Variants in HECTD4 observed in about 807,000 individuals in gnomAD.
The protein encoded by HECTD4 is HECT domain E3 ubiquitin protein ligase 4.
In HECTD4, 114 loss-of-function variants were observed where a neutral mutation model predicts 471.5. The observed-to-expected ratio is 0.24, with a 90% CI of 0.21 to 0.28. The LOEUF (loss-of-function observed/expected upper bound fraction) is 0.28. HECTD4 is among the 10% of genes least tolerant of loss of function. The pLI is 1.00. For synonymous variants in HECTD4, 2,012 were observed against 2,256.0 expected (o/e 0.89, Z 3.07); for missense variants, 3,866 against 5,651.5 (o/e 0.68, Z 10.13).
chr12:112,208,669 G>A, intron 50 of HECTD4, 39 bp from the exon 51 acceptor site: 1 of 1,500,142 alleles, frequency 6.7e-7, no homozygotes. Flanking sequence ...CTAAACAAGA[G>A]CAGGCTAGAA....
chr12:112,292,048 G>C (rs80148575), intron 7 of HECTD4, among the ~76,000 whole-genome samples: 1 of 152,090 alleles, frequency 6.6e-6, no homozygotes, highest in African/African-American at 2.4e-5. Flanking sequence ...TCACTTTCCT[G>C]CTCAACAATT....
intron 19 of HECTD4, 83 bp from the exon 20 acceptor site, chr12:112,258,679 C>T: frequency 9.4e-7 from 1 of 1,059,214 alleles, no homozygotes; most frequent in Non-Finnish European, 1.4e-6. Context: ...AGAGGTCTCT[C>T]TTAAATCATC....
In HECTD4 at chr12:112,166,039, CCTCTGGGG is replaced by C. The variant is rs1169967789; in HGVS notation, c.12534+1270_12534+1277del. Reference sequence around the variant, plus strand: ...CACCATGTGGTTCTGCATCCCATACCCTCTGGGGCCTTGGCCATCCCTGTAGCCAGAAG... The same window carrying C: ...CACCATGTGGTTCTGCATCCCATACCCCTTGGCCATCCCTGTAGCCAGAAG... On this transcript the variant is annotated intron_variant, in intron 72 of 75. Transcript: ENST00000682272. This position sits in a 1 kb window ranked among gnomAD's most constrained non-coding sequence, Gnocchi z 4.6. 1 of 152,416 alleles carries C rather than the reference CCTCTGGGG, an allele frequency of 6.6e-6. No individual in the cohort carries two copies. Among genetic ancestry groups the C allele is most frequent in the Non-Finnish European group, 1.5e-5 (1 of 68,186 alleles). The allele number at this position is 152,416 out of a possible 1,614,324, so 9.4% of individuals were successfully genotyped here.
At chr12:112,331,657 T>G (rs1045711325) in intron 1 of HECTD4, among the ~76,000 whole-genome samples, 1 of 152,320 alleles carries the variant, frequency 6.6e-6, no homozygotes, top group South Asian at 2.1e-4. Context: ...ACTCTTTCCA[T>G]GTATAGACCA....
chr12:112,235,120 G>T lies in HECTD4; in HGVS notation c.5872C>A (p.Arg1958=), dbSNP rs190688979. The T allele has an allele frequency of 4.7e-4, 752 of 1,603,014 alleles. 5 individuals carry two copies. The African/African-American group carries it at 8.9e-3, about 19-fold the overall frequency. The change falls in exon 37 of 76, where the codon CGG becomes AGG. Residue 1958 remains arginine (R), a synonymous_variant. Coordinates refer to ENST00000682272, the MANE Select transcript of HECTD4 (RefSeq NM_001388303.1). The surrounding 1 kb of genome is among the most constrained non-coding windows in gnomAD (Gnocchi z 5.0). ...DGKLSIFIHK[R]EDQSSHEVLQ... is the part of the protein sequence containing the mutation. ...ACTTCATGGGATGACTGGTCTTCCC[G>T]CTTGTGGATAAATATCGAGAGCTTG... is the stretch of plus-strand genomic sequence containing the variant.
At chr12:112,309,020 G>A (rs769503460) in intron 5 of HECTD4, 129 bp from the exon 6 acceptor site, 154 of 947,874 alleles carry the variant, frequency 1.6e-4, no homozygotes, top group Non-Finnish European at 2.1e-4. Flanking sequence ...AACATCTGAA[G>A]GAAAGTGAAT....
chr12:112,217,984 A>G (rs1029492739), intron 45 of HECTD4, among the ~76,000 whole-genome samples: 2 of 151,942 alleles, frequency 1.3e-5, no homozygotes, highest in Non-Finnish European at 1.5e-5. Flanking sequence ...TAAAAAATTT[A>G]TTATTATTTT....
chr12:112,171,375 C>T, intron 67 of HECTD4, 112 bp from the exon 68 acceptor site: 1 of 1,490,220 alleles, frequency 6.7e-7, no homozygotes, highest in Non-Finnish European at 8.9e-7. Context: ...GGATTTTTTA[C>T]CTGGGACCCT....
Position 112,203,954 on chromosome 12 carries a change from A to G in HECTD4, c.8270-182T>C, listed in dbSNP as rs925231696. Among the ~76,000 whole-genome samples the G allele has an allele frequency of 2.0e-5, 3 of 152,370 alleles. No individual in the cohort carries two copies. The East Asian group carries it at 5.8e-4, about 29-fold the overall frequency. On this transcript the variant is annotated intron_variant, in intron 53 of 75. Coordinates refer to ENST00000682272, the MANE Select transcript of HECTD4 (RefSeq NM_001388303.1). ...TTATAACCAAGCAAGAACACAACTC[A>G]GTCTGGAAGGTAATATAATAGAACG...
intron 1 of HECTD4, among the ~76,000 whole-genome samples, chr12:112,366,323 C>T (rs935096995): frequency 1.2e-4 from 18 of 151,816 alleles, no homozygotes; most frequent in Admixed American, 3.9e-4. Context: ...GCCTGGGCAA[C>T]GTAGTGAGAC....
chr12:112,229,843 C>T lies in HECTD4; in HGVS notation c.6374G>A (p.Gly2125Glu). 3 of 1,613,962 alleles carry T rather than the reference C, an allele frequency of 1.9e-6. No homozygotes were observed. The highest frequency in any genetic ancestry group is 2.5e-6 in the Non-Finnish European group (3 of 1,179,878). ...SRALMYIPQL[G>E]KYAESILENG... ...TTCCAGAATGCTTTCTGCGTATTTC[C>T]CCAATTGTGGAATGTACATCAGTGC... Residue 2125 changes from glycine to glutamate, a missense_variant, in exon 41 of 76, where the codon GGG (glycine) becomes GAG (glutamate). Transcript: ENST00000682272.
At chr12:112,375,300 G>C (rs1231978729) in intron 1 of HECTD4, among the ~76,000 whole-genome samples, 1 of 152,104 alleles carries the variant, frequency 6.6e-6, no homozygotes, top group African/African-American at 2.4e-5. Context: ...ACCTGCTGAC[G>C]GACATTTGGA....
At chr12:112,209,519 T>G (rs1377693742) in intron 50 of HECTD4, among the ~76,000 whole-genome samples, 3 of 152,004 alleles carry the variant, frequency 2.0e-5, no homozygotes, top group African/African-American at 7.3e-5. Flanking sequence ...AGAGACGGGG[T>G]TTCTCCATGC....
chr12:112,183,320 T>A, intron 61 of HECTD4, 54 bp from the exon 62 acceptor site: 3 of 1,383,672 alleles, frequency 2.2e-6, no homozygotes, highest in Non-Finnish European at 3.1e-6. Flanking sequence ...AGTCATTCAG[T>A]GTGAGTGAAC....
rs1319422338 is a variant in HECTD4 at position 112,166,991 on chromosome 12, C to T, written c.12534+326G>A. ...CTGAGTCCCTGAAAAAACTCTTAAC[C>T]TTCACCCCTACAGCTGTTCTCCCAG... On this transcript the variant is annotated intron_variant, in intron 72 of 75. Coordinates refer to ENST00000682272, the MANE Select transcript of HECTD4 (RefSeq NM_001388303.1). The surrounding 1 kb of genome is among the most constrained non-coding windows in gnomAD (Gnocchi z 4.6). 5 of 236,618 alleles carry T rather than the reference C, an allele frequency of 2.1e-5. No homozygotes were observed. Among genetic ancestry groups the T allele is most frequent in the Non-Finnish European group, 4.0e-5 (5 of 123,548 alleles). 14.7% of individuals were successfully genotyped at this position (236,618 alleles called of 1,614,324 possible).
At chr12:112,365,308 G>A (rs978428993) in intron 1 of HECTD4, among the ~76,000 whole-genome samples, 20 of 152,118 alleles carry the variant, frequency 1.3e-4, no homozygotes, top group Non-Finnish European at 2.9e-4. Context: ...TAGCTGCTGG[G>A]GAGGCTGAGC....
intron 1 of HECTD4, among the ~76,000 whole-genome samples, chr12:112,360,696 A>G (rs2036432454): frequency 6.6e-6 from 1 of 152,226 alleles, no homozygotes; most frequent in South Asian, 2.1e-4. Flanking sequence ...TGTTAAAGGT[A>G]AGATTGGCCG....
chr12:112,170,366 C>T lies in HECTD4; in HGVS notation c.12019G>A (p.Glu4007Lys). ...ATTTCCAGTGGGTCCAAGGTGATCTCAGGGGCCGCGTGGTCCGCTGTCCTC... is the reference window on the plus strand; with the variant it reads ...ATTTCCAGTGGGTCCAAGGTGATCTTAGGGGCCGCGTGGTCCGCTGTCCTC... ...VQRTADHAAPEITLDPLEIVG... is the reference protein window; with the variant it reads ...VQRTADHAAPKITLDPLEIVG... Residue 4007 changes from glutamate to lysine, a missense_variant, in exon 69 of 76, where the codon GAG becomes AAG. Physicochemically the swap from Glu to Lys is moderately conservative, Grantham distance 56. This residue lies in a region of HECTD4 where 715 missense variants were observed against 1,087.6 expected (regional missense o/e 0.66). Coordinates refer to ENST00000682272, the MANE Select transcript of HECTD4 (RefSeq NM_001388303.1). 2 of 1,614,018 alleles carry T rather than the reference C, an allele frequency of 1.2e-6. No homozygotes were observed. Among genetic ancestry groups the T allele is most frequent in the African/African-American group, 1.3e-5 (1 of 75,072 alleles).
intron 6 of HECTD4, among the ~76,000 whole-genome samples, chr12:112,307,044 C>T (rs111456536): frequency 3.1e-3 from 468 of 152,054 alleles, no homozygotes; most frequent in Non-Finnish European, 5.9e-3. Context: ...ATTAGAACCA[C>T]AAAAACCTGC....
Sources: gnomAD v4.1 joint callset for allele counts (sites outside exome capture counted in the v4.1 genomes callset) on GRCh38, gnomAD v4.1.1 for gene constraint, gnomAD v4.1.1 regional missense constraint, Gnocchi (gnomAD v3.1) non-coding constraint, MANE v1.5 for transcripts, NCBI Gene and HGNC (gene_info 2026-07-23, HGNC 2026-07-21) for gene names.